Variants in PXK observed in about 807,000 individuals in gnomAD.
PXK encodes the protein PX domain-containing protein kinase-like protein.
Under a neutral mutation model 84.7 loss-of-function variants are expected in PXK, and 35 were observed. The ratio of observed to expected loss-of-function variants is 0.41; its 90% CI spans 0.32 to 0.55. PXK has a LOEUF of 0.55. Ranked by LOEUF, PXK falls within the 20% of genes least tolerant of loss-of-function variation. The probability of loss-of-function intolerance (pLI) is 0.21; values close to 1 mark genes in which losing one functional copy is unlikely to be tolerated. For synonymous variants in PXK, 253 were observed against 260.8 expected (o/e 0.97, Z 0.29); for missense variants, 634 against 699.7 (o/e 0.91, Z 1.06).
At chr3:58,389,267 A>G (rs2098598555) in intron 4 of PXK, among the ~76,000 whole-genome samples, 1 of 152,118 alleles carries the variant, frequency 6.6e-6, no homozygotes, top group Non-Finnish European at 1.5e-5. Flanking sequence ...ATTTAAGGCT[A>G]ATCACTTTTT....
At chr3:58,367,079 A>AGTACTCCTCAAAAAT (rs2098282467) in intron 2 of PXK, among the ~76,000 whole-genome samples, 1 of 152,178 alleles carries the variant, frequency 6.6e-6, no homozygotes, top group Non-Finnish European at 1.5e-5. Flanking sequence ...ACAAAAATGT[A>AGTACTCCTCAAAAAT]GACTCTTGGG....
At position 58,364,039 on chromosome 3, in the gene PXK, C is replaced by T. The variant is rs952110927; in HGVS notation, c.103-1835C>T. ...AGCCTGTTAATATGGCAGATTACAT[C>T]GATCAGTTTCTGAATGGTGAACCAG... On this transcript the variant is annotated intron_variant, in intron 1 of 17. Transcript: ENST00000356151. The surrounding 1 kb of genome is among the most constrained non-coding windows in gnomAD (Gnocchi z 4.3). Among the ~76,000 whole-genome samples, 10 of 152,268 alleles carry T rather than the reference C, an allele frequency of 6.6e-5. No homozygotes were observed. The highest frequency in any genetic ancestry group is 5.8e-4 in the East Asian group (3 of 5,194).
intron 17 of PXK, chr3:58,422,096 T>C (rs763548100): frequency 4.1e-6 from 4 of 985,344 alleles, no homozygotes; most frequent in Non-Finnish European, 4.8e-6. Flanking sequence ...TCTTCCTCCA[T>C]TGTTAGCCAT....
chr3:58,357,991 A>G (rs764129946), intron 1 of PXK, among the ~76,000 whole-genome samples: 4 of 152,120 alleles, frequency 2.6e-5, no homozygotes, highest in Non-Finnish European at 5.9e-5. Context: ...AAAACAAAAA[A>G]ACCAAGAAAG....
intron 17 of PXK, among the ~76,000 whole-genome samples, chr3:58,417,315 T>C (rs11708895): frequency 0.25 from 38,031 of 152,194 alleles, 6,256 homozygotes; most frequent in Non-Finnish European, 0.36. Context: ...CTTAGGTAAG[T>C]TGAATTCAGC....
intron 3 of PXK, among the ~76,000 whole-genome samples, chr3:58,376,286 G>A (rs532259087): frequency 8.6e-5 from 13 of 152,008 alleles, no homozygotes; most frequent in Non-Finnish European, 1.2e-4. Flanking sequence ...GTGGTGGCAG[G>A]CACCTGTAAT....
At chr3:58,404,532 T>C (rs2059100107) in intron 13 of PXK, among the ~76,000 whole-genome samples, 1 of 152,162 alleles carries the variant, frequency 6.6e-6, no homozygotes, top group African/African-American at 2.4e-5. Flanking sequence ...GTGTACAAAA[T>C]TGCTCCCAGT....
intron 8 of PXK, among the ~76,000 whole-genome samples, chr3:58,395,322 AT>A (rs1339803210): frequency 6.6e-6 from 1 of 152,242 alleles, no homozygotes; most frequent in Non-Finnish European, 1.5e-5. Flanking sequence ...TTTAATAATT[AT>A]GTCCATTACA....
intron 17 of PXK, chr3:58,422,130 G>A: frequency 2.0e-6 from 2 of 985,320 alleles, no homozygotes; most frequent in Non-Finnish European, 2.4e-6. Context: ...AGCCCCAACG[G>A]ACCTTTCAGG....
intron 3 of PXK, among the ~76,000 whole-genome samples, chr3:58,375,344 A>G (rs2098431731): frequency 6.6e-6 from 1 of 152,084 alleles, no homozygotes; most frequent in South Asian, 2.1e-4. Context: ...TCTTTAATTG[A>G]AAAAAAAGTA....
chr3:58,381,211 T>C (rs1328798298), intron 3 of PXK, among the ~76,000 whole-genome samples: 4 of 136,676 alleles, frequency 2.9e-5, no homozygotes, highest in African/African-American at 1.1e-4. Flanking sequence ...ATCACGCCAC[T>C]GCACTCCAGC....
intron 3 of PXK, among the ~76,000 whole-genome samples, chr3:58,376,616 T>C (rs568681930): frequency 6.6e-6 from 1 of 152,086 alleles, no homozygotes; most frequent in Non-Finnish European, 1.5e-5. Context: ...TTTTAGGTAA[T>C]ATATTACCCT....
intron 15 of PXK, 36 bp from the exon 16 acceptor site, chr3:58,410,054 C>T: frequency 7.3e-7 from 1 of 1,363,502 alleles, no homozygotes; most frequent in South Asian, 1.2e-5. Flanking sequence ...CTTTGCTTTC[C>T]TCTCCCTCCC....
intron 17 of PXK, among the ~76,000 whole-genome samples, chr3:58,415,922 G>T (rs2060891406): frequency 6.6e-6 from 1 of 152,182 alleles, no homozygotes; most frequent in African/African-American, 2.4e-5. Context: ...GGGGTAGGGG[G>T]TGCTCACAGG....
chr3:58,355,012 G>A (rs2098039554), intron 1 of PXK, among the ~76,000 whole-genome samples: 1 of 151,976 alleles, frequency 6.6e-6, no homozygotes, highest in Non-Finnish European at 1.5e-5. Context: ...GCAGCTACTT[G>A]GGAGGCTGAG....
At chr3:58,335,711 C>A (rs1481700403) in intron 1 of PXK, among the ~76,000 whole-genome samples, 1 of 151,986 alleles carries the variant, frequency 6.6e-6, no homozygotes, top group Non-Finnish European at 1.5e-5. Context: ...TTGGAAGAGG[C>A]AAGACCTTAA....
chr3:58,352,691 G>A (rs545050499), intron 1 of PXK, among the ~76,000 whole-genome samples: 4 of 152,284 alleles, frequency 2.6e-5, no homozygotes, highest in South Asian at 2.1e-4. Context: ...GCTGCAGGAA[G>A]TGGCTATTTA....
At position 58,421,031 on chromosome 3, in the gene PXK, C is replaced by T. The variant is rs933141422; in HGVS notation, c.1529-3721C>T. On this transcript the variant is annotated intron_variant, in intron 17 of 17. Coordinates refer to ENST00000356151, the MANE Select transcript of PXK (RefSeq NM_017771.5). This position sits in a 1 kb window ranked among gnomAD's most constrained non-coding sequence, Gnocchi z 5.5. ...TAGGGAAAAACAGTTCTTTTGTAAG[C>T]ATCCTTTATAATTCTCGAGCTGTGA... The T allele has an allele frequency of 1.0e-4, 101 of 1,003,162 alleles. No homozygotes were observed. Among genetic ancestry groups the T allele is most frequent in the Non-Finnish European group, 1.2e-4 (100 of 841,362 alleles). 62.1% of individuals were successfully genotyped at this position (1,003,162 alleles called of 1,614,324 possible).
intron 2 of PXK, 111 bp downstream of exon 2, chr3:58,366,035 TA>T (rs1327370511): frequency 1.2e-6 from 1 of 855,722 alleles, no homozygotes; most frequent in Non-Finnish European, 1.8e-6. Flanking sequence ...TGCATAAATA[TA>T]AATCATGTTT....
Sources: gnomAD v4.1 joint callset for allele counts (sites outside exome capture counted in the v4.1 genomes callset) on GRCh38, gnomAD v4.1.1 for gene constraint, Gnocchi (gnomAD v3.1) non-coding constraint, MANE v1.5 for transcripts, NCBI Gene and HGNC (gene_info 2026-07-23, HGNC 2026-07-21) for gene names.